FBXO11: variants seen among roughly 807,000 people sequenced by gnomAD.
FBXO11 encodes F-box only protein 11.
In FBXO11, 13 loss-of-function variants were observed where a neutral mutation model predicts 117.0. The observed-to-expected ratio is 0.11, with a 90% confidence interval of 0.07 to 0.18. FBXO11 has a LOEUF of 0.18. Among genes scored for constraint, FBXO11 ranks in the 10% least tolerant of loss-of-function variants. FBXO11 has a pLI of 1.00. For missense variants in FBXO11, 767 were observed against 1,164.4 expected (o/e 0.66, Z 4.97); for synonymous variants, 490 against 380.5 (o/e 1.29, Z -3.35).
In FBXO11 at chr2:47,806,985, ACCCT is replaced by A; in HGVS notation, c.*1129_*1132del. The A allele has an allele frequency of 1.2e-5, 9 of 775,424 alleles. No individual in the cohort carries two copies. The highest frequency in any genetic ancestry group is 2.0e-5 in the Non-Finnish European group (9 of 456,414). 48.0% of individuals were successfully genotyped at this position (775,424 alleles called of 1,614,324 possible). A position where few individuals can be genotyped will look rare whatever the true frequency, so the allele number is the denominator to read the frequency against. Reference sequence around the variant, plus strand: ...TTCCATTTTCTTTCTAGGAAATTAAACCCTTTTAATTCTTATCTACCTTCTACAT... The same window carrying A: ...TTCCATTTTCTTTCTAGGAAATTAAATTTAATTCTTATCTACCTTCTACAT... On this transcript the variant is annotated 3_prime_UTR_variant, in exon 23 of 23. Coordinates refer to ENST00000403359, the MANE Select transcript of FBXO11 (RefSeq NM_001190274.2).
chr2:47,879,368 G>A (rs989798807), intron 1 of FBXO11, among the ~76,000 whole-genome samples: 3 of 152,162 alleles, frequency 2.0e-5, no homozygotes, highest in Non-Finnish European at 4.4e-5. Context: ...ATCTCAATTT[G>A]TATTCTCAAT....
chr2:47,817,629 A>G (rs933571015), intron 16 of FBXO11, among the ~76,000 whole-genome samples: 1 of 151,978 alleles, frequency 6.6e-6, no homozygotes, highest in African/African-American at 2.4e-5. Context: ...GAGATACGCA[A>G]CTCCTCCTTT....
intron 11 of FBXO11, among the ~76,000 whole-genome samples, chr2:47,826,185 A>T (rs1361784905): frequency 1.3e-5 from 2 of 151,874 alleles, no homozygotes; most frequent in Non-Finnish European, 2.9e-5. Context: ...TAGCCTCCCG[A>T]GTAGCTGGGA....
At chr2:47,833,431 T>C (rs1672326734) in intron 7 of FBXO11, among the ~76,000 whole-genome samples, 1 of 152,198 alleles carries the variant, frequency 6.6e-6, no homozygotes, top group South Asian at 2.1e-4. Flanking sequence ...TTTCCAACAG[T>C]GGCCTCGATT....
At chr2:47,835,802 CTT>C (rs1337394675) in intron 5 of FBXO11, 68 bp downstream of exon 5, 1 of 1,303,146 alleles carries the variant, frequency 7.7e-7, no homozygotes, top group Non-Finnish European at 1.0e-6. Flanking sequence ...CCAGCCTAAA[CTT>C]ATTTCTTAAA....
chr2:47,865,338 C>T (rs1675115069), intron 1 of FBXO11, among the ~76,000 whole-genome samples: 1 of 152,174 alleles, frequency 6.6e-6, no homozygotes, highest in Non-Finnish European at 1.5e-5. Flanking sequence ...GGCTACATGG[C>T]CAATGGGCTA....
At chr2:47,826,676 G>T (rs1427365665) in intron 11 of FBXO11, among the ~76,000 whole-genome samples, 1 of 151,310 alleles carries the variant, frequency 6.6e-6, no homozygotes. Context: ...CTTCTTTGCT[G>T]CACAATTTTT....
At chr2:47,894,330 G>C (rs529848211) in intron 1 of FBXO11, among the ~76,000 whole-genome samples, 1 of 152,164 alleles carries the variant, frequency 6.6e-6, no homozygotes, top group South Asian at 2.1e-4. Flanking sequence ...AGACAATAAA[G>C]GGTAGTCAAG....
intron 1 of FBXO11, among the ~76,000 whole-genome samples, chr2:47,861,907 G>GTTTT (rs367983630): frequency 6.9e-6 from 1 of 145,794 alleles, no homozygotes; most frequent in Non-Finnish European, 1.5e-5. Flanking sequence ...GTAAGGTTAA[G>GTTTT]TTTTTTTTTT....
chr2:47,828,082 C>A (rs546717699), intron 11 of FBXO11, among the ~76,000 whole-genome samples: 5 of 152,228 alleles, frequency 3.3e-5, no homozygotes, highest in African/African-American at 1.2e-4. Context: ...TGGGCTCAAT[C>A]AATCCTCTTG....
rs117699423 is a variant in FBXO11 at position 47,900,199 on chromosome 2, T to C, written c.232+5290A>G. ...ACTCTGTTTCTATCCCTCAAGTAAG[T>C]TCCAAGCTTTAAGAAAATAGGCTCT... On this transcript the variant is annotated intron_variant, in intron 1 of 22. Coordinates refer to ENST00000403359, the MANE Select transcript of FBXO11 (RefSeq NM_001190274.2). 2.1e-4 allele frequency among the ~76,000 whole-genome samples: 32 copies of C among 152,106 alleles called. No individual in the cohort carries two copies. In the East Asian group the frequency reaches 6.2e-3, roughly 29 times the overall value.
intron 1 of FBXO11, among the ~76,000 whole-genome samples, chr2:47,900,623 C>T (rs1270180498): frequency 5.6e-5 from 3 of 53,918 alleles, no homozygotes; most frequent in Admixed American, 1.7e-4. Flanking sequence ...TATATACACA[C>T]GTATACACAC....
At chr2:47,825,495 A>G (rs1300080616) in intron 11 of FBXO11, among the ~76,000 whole-genome samples, 2 of 150,810 alleles carry the variant, frequency 1.3e-5, no homozygotes, top group African/African-American at 2.4e-5. Flanking sequence ...ATGAGGAGGG[A>G]GCACAATTAG....
At chr2:47,899,657 G>A (rs1406995888) in intron 1 of FBXO11, among the ~76,000 whole-genome samples, 1 of 152,156 alleles carries the variant, frequency 6.6e-6, no homozygotes, top group East Asian at 1.9e-4. Flanking sequence ...TCCTTATAGT[G>A]TATCTTCATA....
chr2:47,863,661 G>C (rs1312486019), intron 1 of FBXO11, among the ~76,000 whole-genome samples: 1 of 152,106 alleles, frequency 6.6e-6, no homozygotes, highest in Non-Finnish European at 1.5e-5. Context: ...TCCTCCTCTA[G>C]AACACAAAGG....
At chr2:47,808,462 C>A in intron 21 of FBXO11, 35 bp from the exon 22 acceptor site, 2 of 1,528,170 alleles carry the variant, frequency 1.3e-6, no homozygotes, top group South Asian at 1.3e-5. Flanking sequence ...TTTTCTCAAA[C>A]ATGTCATTAA....
chr2:47,856,436 TA>T (rs1172844407), intron 1 of FBXO11, among the ~76,000 whole-genome samples: 2 of 152,074 alleles, frequency 1.3e-5, no homozygotes, highest in African/African-American at 2.4e-5. Context: ...ATAAAGGGTA[TA>T]AAATAGGTCC....
At chr2:47,878,882 G>A (rs1216708962) in intron 1 of FBXO11, among the ~76,000 whole-genome samples, 1 of 152,028 alleles carries the variant, frequency 6.6e-6, no homozygotes, top group Non-Finnish European at 1.5e-5. Flanking sequence ...GAGAGGCTGA[G>A]GCAGGAGAAT....
chr2:47,887,323 C>G (rs890164971), intron 1 of FBXO11, among the ~76,000 whole-genome samples: 2 of 150,970 alleles, frequency 1.3e-5, no homozygotes, highest in Non-Finnish European at 3.0e-5. Context: ...AGACAAGACC[C>G]TATCTCGAAT....
Sources: gnomAD v4.1 joint callset for allele counts (sites outside exome capture counted in the v4.1 genomes callset) on GRCh38, gnomAD v4.1.1 for gene constraint, MANE v1.5 for transcripts, NCBI Gene and HGNC (gene_info 2026-07-23, HGNC 2026-07-21) for gene names.